The following PTPRR variants were observed in gnomAD, a reference collection of about 807,000 sequenced individuals.
PTPRR encodes the protein protein tyrosine phosphatase receptor type R.
In PTPRR, 38 loss-of-function variants were observed where a neutral mutation model predicts 77.2. The ratio of observed to expected loss-of-function variants is 0.49; its 90% CI spans 0.38 to 0.65. The LOEUF (loss-of-function observed/expected upper bound fraction) is 0.65. PTPRR is among the 30% of genes least tolerant of loss of function. PTPRR has a pLI of 0.00. For missense variants in PTPRR, 744 were observed against 799.2 expected (o/e 0.93, Z 0.83); for synonymous variants, 299 against 283.1 (o/e 1.06, Z -0.57).
chr12:70,655,816 A>G (rs921767262), intron 13 of PTPRR, among the ~76,000 whole-genome samples: 1 of 152,230 alleles, frequency 6.6e-6, no homozygotes, highest in African/African-American at 2.4e-5. Context: ...GTTGTACAAC[A>G]ATGTGAATGT....
rs193165004 is a variant in PTPRR at position 70,757,553 on chromosome 12, A to C, written c.628-3252T>G. Among the ~76,000 whole-genome samples the C allele has an allele frequency of 5.9e-5, 9 of 152,332 alleles. No homozygotes were observed. The East Asian group carries it at 1.7e-3, about 29-fold the overall frequency. On this transcript the variant is annotated intron_variant, in intron 4 of 13. Transcript: ENST00000283228. Reference sequence around the variant, plus strand: ...CCTTTAAGAAACAGATTACAAATGAAAACAAATGACTAAACAAGAACAGTT... The same window carrying C: ...CCTTTAAGAAACAGATTACAAATGACAACAAATGACTAAACAAGAACAGTT...
At chr12:70,649,672 T>C (rs1033276415) in intron 13 of PTPRR, among the ~76,000 whole-genome samples, 1 of 152,162 alleles carries the variant, frequency 6.6e-6, no homozygotes, top group South Asian at 2.1e-4. Flanking sequence ...CCTCCTGGGT[T>C]CCAGCAATTC....
chr12:70,877,161 T>C (rs535146868), intron 2 of PTPRR, among the ~76,000 whole-genome samples: 86 of 152,284 alleles, frequency 5.6e-4, no homozygotes, highest in Non-Finnish European at 1.1e-3. Context: ...AAATGGAATG[T>C]AAGTAGGGCT....
chr12:70,780,522 G>A (rs1592753223), intron 2 of PTPRR, among the ~76,000 whole-genome samples: 1 of 152,004 alleles, frequency 6.6e-6, no homozygotes, highest in African/African-American at 2.4e-5. Context: ...CATCACGCTG[G>A]GATAAGGTTG....
intron 2 of PTPRR, among the ~76,000 whole-genome samples, chr12:70,794,833 A>T (rs950519944): frequency 9.2e-5 from 14 of 152,218 alleles, no homozygotes; most frequent in African/African-American, 3.4e-4. Flanking sequence ...CAACTATGGC[A>T]ATTTCCTATG....
chr12:70,645,525 G>T (rs1886163933), intron 13 of PTPRR, among the ~76,000 whole-genome samples: 1 of 152,144 alleles, frequency 6.6e-6, no homozygotes, highest in Non-Finnish European at 1.5e-5. Context: ...GAAGTACCTT[G>T]GTTTGGATGA....
At chr12:70,914,494 T>C (rs1893745957) in intron 1 of PTPRR, among the ~76,000 whole-genome samples, 1 of 152,192 alleles carries the variant, frequency 6.6e-6, no homozygotes, top group East Asian at 1.9e-4. Flanking sequence ...GAACATCTTA[T>C]GAGAAGAGTT....
chr12:70,855,850 C>T (rs1255076634), intron 2 of PTPRR, among the ~76,000 whole-genome samples: 1 of 152,164 alleles, frequency 6.6e-6, no homozygotes, highest in African/African-American at 2.4e-5. Flanking sequence ...TGTTTTGCAA[C>T]ATCCCCATGC....
At chr12:70,742,042 C>CA (rs752170074) in intron 6 of PTPRR, among the ~76,000 whole-genome samples, 1 of 152,140 alleles carries the variant, frequency 6.6e-6, no homozygotes, top group Non-Finnish European at 1.5e-5. Context: ...GAAGGGGCTG[C>CA]ATGAATAGCA....
chr12:70,662,065 C>T (rs1180961413), intron 11 of PTPRR, among the ~76,000 whole-genome samples: 2 of 152,184 alleles, frequency 1.3e-5, no homozygotes, highest in Admixed American at 1.3e-4. Flanking sequence ...CTCATCAACA[C>T]TTCAGGCTTG....
chr12:70,795,951 T>C (rs1891505688), intron 2 of PTPRR, among the ~76,000 whole-genome samples: 1 of 93,044 alleles, frequency 1.1e-5, no homozygotes, highest in Admixed American at 1.8e-4. Context: ...TGACACAGAG[T>C]CTTGCCCTGT....
intron 2 of PTPRR, among the ~76,000 whole-genome samples, chr12:70,868,819 T>G (rs1182236403): frequency 6.6e-6 from 1 of 151,632 alleles, no homozygotes; most frequent in Non-Finnish European, 1.5e-5. Flanking sequence ...ATTAAGAAAA[T>G]GTGGCACATA....
At chr12:70,676,647 T>C (rs747497891) in intron 10 of PTPRR, among the ~76,000 whole-genome samples, 4 of 152,088 alleles carry the variant, frequency 2.6e-5, no homozygotes, top group Non-Finnish European at 5.9e-5. Flanking sequence ...GGGTTAATGA[T>C]CAAATAAAGG....
intron 2 of PTPRR, among the ~76,000 whole-genome samples, chr12:70,782,090 T>A (rs1891214939): frequency 6.6e-6 from 1 of 152,154 alleles, no homozygotes; most frequent in Admixed American, 6.5e-5. Flanking sequence ...ATTTCTTGTT[T>A]AAAAAGGGTA....
intron 2 of PTPRR, among the ~76,000 whole-genome samples, chr12:70,863,510 T>C (rs1352984894): frequency 6.6e-6 from 1 of 152,140 alleles, no homozygotes; most frequent in Non-Finnish European, 1.5e-5. Flanking sequence ...TTTATACAGA[T>C]TATACCTACT....
intron 3 of PTPRR, among the ~76,000 whole-genome samples, chr12:70,763,269 C>T (rs1592741154): frequency 6.6e-6 from 1 of 152,106 alleles, no homozygotes; most frequent in African/African-American, 2.4e-5. Flanking sequence ...GCTGGGATTA[C>T]AGATGCCTGC....
intron 8 of PTPRR, among the ~76,000 whole-genome samples, chr12:70,691,709 A>T (rs1161571350): frequency 2.0e-5 from 3 of 152,142 alleles, no homozygotes; most frequent in African/African-American, 7.2e-5. Flanking sequence ...CAGTCCGTGT[A>T]GAGTTTCTGT....
intron 2 of PTPRR, among the ~76,000 whole-genome samples, chr12:70,784,075 G>T (rs1340263637): frequency 6.7e-6 from 1 of 149,220 alleles, no homozygotes; most frequent in Non-Finnish European, 1.5e-5. Flanking sequence ...CGGTTTGGGT[G>T]GCTGCAGCTG....
chr12:70,917,502 G>T (rs1461822280), intron 1 of PTPRR, among the ~76,000 whole-genome samples: 2 of 151,992 alleles, frequency 1.3e-5, no homozygotes, highest in Non-Finnish European at 2.9e-5. Flanking sequence ...TATAAAAATC[G>T]GCTGCCATGG....
Sources: allele counts gnomAD v4.1 joint callset (sites outside exome capture counted in the v4.1 genomes callset), GRCh38; gene constraint gnomAD v4.1.1; transcripts MANE v1.5; gene names NCBI Gene and HGNC (gene_info 2026-07-23, HGNC 2026-07-21).